Variants in DELE1 observed in about 807,000 individuals in gnomAD.
The protein encoded by DELE1 is DAP3 binding cell death enhancer 1.
A neutral mutation model predicts 59.3 loss-of-function variants in DELE1; 54 were observed. The observed-to-expected ratio is 0.91, with a 90% CI of 0.73 to 1.14. The LOEUF (loss-of-function observed/expected upper bound fraction) is 1.14. Ranked by LOEUF, DELE1 falls within the 50% of genes most tolerant of loss-of-function variation. DELE1 has a pLI of 0.00. For missense variants in DELE1, 636 were observed against 643.9 expected, an observed-to-expected ratio of 0.99 and a Z score of 0.13; for synonymous variants, 264 against 259.1, an observed-to-expected ratio of 1.02 and a Z score of -0.18.
Position 141,933,321 on chromosome 5 carries a change from G to A in DELE1, c.817G>A (p.Ala273Thr). Reference protein sequence around the residue: ...AAFSYFQKAAARGYSKAQYNA... With the variant: ...AAFSYFQKAATRGYSKAQYNA... ...CTTTTCTTACTTCCAGAAAGCTGCA[G>A]CCCGCGGCTACAGCAAAGCGCAGTA... Residue 273 changes from alanine to threonine, a missense_variant, in exon 8 of 12, where the codon GCC becomes ACC. Coordinates refer to ENST00000432126, the MANE Select transcript of DELE1 (RefSeq NM_014773.5). 1 of 1,570,504 alleles carries A rather than the reference G, an allele frequency of 6.4e-7. No homozygotes were observed. Among genetic ancestry groups the A allele is most frequent in the Non-Finnish European group, 8.7e-7 (1 of 1,148,880 alleles).
chr5:141,939,868 C>A lies in DELE1; in HGVS notation c.*1109C>A. The stretch of plus-strand genomic sequence containing the variant: ...TCACCACAGAGAGGACCTTTGTGCT[C>A]ACTTTGGCCCAGGAGGCAGTGATGC... On this transcript the variant is annotated 3_prime_UTR_variant, in exon 12 of 12. Transcript: ENST00000432126. 1.7e-6 allele frequency: 1 copy of A among 575,424 alleles called. No homozygotes were observed. 35.6% of individuals were successfully genotyped at this position (575,424 alleles called of 1,614,324 possible).
Position 141,930,292 on chromosome 5 carries a change from G to T in DELE1, c.754+18G>T, listed in dbSNP as rs1446301513. 1.3e-6 allele frequency: 2 copies of T among 1,574,624 alleles called. No homozygotes were observed. The highest frequency in any genetic ancestry group is 1.7e-6 in the Non-Finnish European group (2 of 1,144,282). On this transcript the variant is annotated intron_variant, in intron 7 of 11. Coordinates refer to ENST00000432126, the MANE Select transcript of DELE1 (RefSeq NM_014773.5). ...CTTCCTGGGTAACCAAATGGACCCT[G>T]CCCCAAGGCAGGAGGGTGGGAAAAT...
In DELE1 at chr5:141,938,843, C is replaced by G. The variant is rs1752572597; in HGVS notation, c.*84C>G. 1 of 1,504,574 alleles carries G rather than the reference C, an allele frequency of 6.6e-7. No individual in the cohort carries two copies. 93.2% of individuals were successfully genotyped at this position (1,504,574 alleles called of 1,614,324 possible). On this transcript the variant is annotated 3_prime_UTR_variant, in exon 12 of 12. Coordinates refer to ENST00000432126, the MANE Select transcript of DELE1 (RefSeq NM_014773.5). ...ATAACAAAAATAGAGCATCAGCAAC[C>G]CTTTCCAGGTAGAAATTCCAGCGGG... is the stretch of plus-strand genomic sequence containing the variant.
chr5:141,935,603 G>A (rs772510453), intron 10 of DELE1, among the ~76,000 whole-genome samples: 3 of 152,194 alleles, frequency 2.0e-5, no homozygotes, highest in Non-Finnish European at 4.4e-5. Context: ...CAGAGTATCT[G>A]TAGTAGCTGT....
intron 3 of DELE1, among the ~76,000 whole-genome samples, chr5:141,927,866 G>A (rs59174014): frequency 0.051 from 7,832 of 152,268 alleles, 690 homozygotes; most frequent in African/African-American, 0.18. Context: ...GCACTGTGCT[G>A]TACTTGGGCA....
intron 10 of DELE1, among the ~76,000 whole-genome samples, chr5:141,936,435 G>C (rs181142868): frequency 5.1e-4 from 77 of 152,194 alleles, no homozygotes; most frequent in African/African-American, 1.8e-3. Flanking sequence ...TTTTTGTTTT[G>C]TTTTGTTTTG....
intron 5 of DELE1, 102 bp from the exon 6 acceptor site, chr5:141,929,887 G>C: frequency 6.6e-7 from 1 of 1,509,890 alleles, no homozygotes. Flanking sequence ...TCGGTTCCTG[G>C]CAAGGGTGCT....
chr5:141,940,773 AGCACTGAGTGCAAG>A lies in DELE1; in HGVS notation c.*2017_*2030del, dbSNP rs1752692554. ...CTTGTCTTTGTATTCCAGTGTCCCC[AGCACTGAGTGCAAG>A]GCCCCATGCAGGGTAGGAAACCTGA... is the stretch of plus-strand genomic sequence containing the variant. On this transcript the variant is annotated 3_prime_UTR_variant, in exon 12 of 12. Coordinates refer to ENST00000432126, the MANE Select transcript of DELE1 (RefSeq NM_014773.5). 1.0e-6 allele frequency: 1 copy of A among 981,254 alleles called. No homozygotes were observed. The highest frequency in any genetic ancestry group is 1.1e-4 in the East Asian group (1 of 8,792). The allele number at this position is 981,254 out of a possible 1,614,324, so 60.8% of individuals were successfully genotyped here.
chr5:141,942,041 T>C lies in DELE1; in HGVS notation c.*3282T>C, dbSNP rs1752774842. The C allele has an allele frequency of 2.0e-6, 2 of 985,458 alleles. No homozygotes were observed. Among genetic ancestry groups the C allele is most frequent in the Non-Finnish European group, 2.4e-6 (2 of 829,948 alleles). The allele number at this position is 985,458 out of a possible 1,614,324, so 61.0% of individuals were successfully genotyped here. A position where few individuals can be genotyped will look rare whatever the true frequency, so the allele number is the denominator to read the frequency against. On this transcript the variant is annotated 3_prime_UTR_variant, in exon 12 of 12. Coordinates refer to ENST00000432126, the MANE Select transcript of DELE1 (RefSeq NM_014773.5). ...AATTATTCAATAAACACAAAATGTT[T>C]GTTGCATGAGTGTTTCTGATCATGT...
At chr5:141,929,150 T>G (rs1386346290) in intron 4 of DELE1, among the ~76,000 whole-genome samples, 1 of 152,128 alleles carries the variant, frequency 6.6e-6, no homozygotes, top group Non-Finnish European at 1.5e-5. Context: ...GTGAAGGAAG[T>G]GTCACAGGAG....
rs1005846146 is a variant in DELE1 at position 141,939,924 on chromosome 5, G to C, written c.*1165G>C. On this transcript the variant is annotated 3_prime_UTR_variant, in exon 12 of 12. Coordinates refer to ENST00000432126, the MANE Select transcript of DELE1 (RefSeq NM_014773.5). ...GTTGCATGACTTTATGAGTCGCTGGGCCAGGGTGAGGACCTGGGCCTCCTG... is the reference window on the plus strand; with the variant it reads ...GTTGCATGACTTTATGAGTCGCTGGCCCAGGGTGAGGACCTGGGCCTCCTG... 3 of 819,784 alleles carry C rather than the reference G, an allele frequency of 3.7e-6. No individual in the cohort carries two copies. The highest frequency in any genetic ancestry group is 4.4e-6 in the Non-Finnish European group (3 of 679,202). 50.8% of individuals were successfully genotyped at this position (819,784 alleles called of 1,614,324 possible).
At chr5:141,935,223 C>T (rs1752261939) in intron 10 of DELE1, among the ~76,000 whole-genome samples, 1 of 152,096 alleles carries the variant, frequency 6.6e-6, no homozygotes, top group Admixed American at 6.5e-5. Context: ...TCAGACAATT[C>T]AGATGTGTTC....
Position 141,930,204 on chromosome 5 carries a change from C to A in DELE1, c.684C>A (p.Ser228=). Residue 228 remains serine (S), a synonymous_variant, in exon 7 of 12, where the codon TCC becomes TCA. Coordinates refer to ENST00000432126, the MANE Select transcript of DELE1 (RefSeq NM_014773.5). ...AACAAGATAAATCAAAAACTCTTTCCCTTGAGGAGGCTGTGACTTCCATTC... is the reference window on the plus strand; with the variant it reads ...AACAAGATAAATCAAAAACTCTTTCACTTGAGGAGGCTGTGACTTCCATTC... ...EKEQDKSKTL[S]LEEAVTSIQQ... is the part of the protein sequence containing the mutation. 6.2e-7 allele frequency: 1 copy of A among 1,613,844 alleles called. No homozygotes were observed. The highest frequency in any genetic ancestry group is 8.5e-7 in the Non-Finnish European group (1 of 1,179,762).
At chr5:141,929,910 T>C (rs1751760837) in intron 5 of DELE1, 79 bp from the exon 6 acceptor site, 2 of 1,532,806 alleles carry the variant, frequency 1.3e-6, no homozygotes, top group African/African-American at 2.7e-5. Context: ...CTGGAAAGCC[T>C]GGGTAGACTG....
chr5:141,930,369 C>A, intron 7 of DELE1, 95 bp downstream of exon 7: 2 of 878,844 alleles, frequency 2.3e-6, no homozygotes, highest in South Asian at 1.5e-5. Flanking sequence ...GTGGCTTAAA[C>A]GAGAGATTTT....
In DELE1 at chr5:141,938,589, A is replaced by G; in HGVS notation, c.1378A>G (p.Asn460Asp). The G allele has an allele frequency of 6.2e-7, 1 of 1,614,030 alleles. No individual in the cohort carries two copies. The highest frequency in any genetic ancestry group is 8.5e-7 in the Non-Finnish European group (1 of 1,179,990). ...CTCCAGCCCCTCCCTCTGCAGCTTG[A>G]ACACCCTGCTAGCAGGAACCTCACG... is the stretch of plus-strand genomic sequence containing the variant. ...SFSSPSLCSL[N>D]TLLAGTSRLP... is the part of the protein sequence containing the mutation. The change falls in exon 12 of 12, where the codon AAC becomes GAC. Residue 460 changes from asparagine (N) to aspartate (D), a missense_variant. Transcript: ENST00000432126.
At chr5:141,930,474 A>T (rs1751816813) in intron 7 of DELE1, among the ~76,000 whole-genome samples, 200 bp downstream of exon 7, 1 of 152,152 alleles carries the variant, frequency 6.6e-6, no homozygotes, top group Non-Finnish European at 1.5e-5. Flanking sequence ...TCCCATCTTG[A>T]GGCGCAGTTT....
rs1338284746 is a variant in DELE1, at chr5:141,940,294, A to G, written c.*1535A>G. The G allele has an allele frequency of 1.1e-5, 11 of 984,094 alleles. No individual in the cohort carries two copies. Among genetic ancestry groups the G allele is most frequent in the East Asian group, 1.1e-4 (1 of 8,792 alleles). The allele number at this position is 984,094 out of a possible 1,614,324, so 61.0% of individuals were successfully genotyped here. On this transcript the variant is annotated 3_prime_UTR_variant, in exon 12 of 12. Transcript: ENST00000432126. ...AGCTTCTCCAGGAGAGAGACTTAGG[A>G]AAAAAAAAGATTTCTGAGTCAGTGC...
chr5:141,940,827 G>C lies in DELE1; in HGVS notation c.*2068G>C. ...AGGAAACCTGAGGTTTCAAGCTCAG[G>C]GTTTTAAGCTGTGCAGTGCACTAAG... On this transcript the variant is annotated 3_prime_UTR_variant, in exon 12 of 12. Transcript: ENST00000432126. 7 of 985,380 alleles carry C rather than the reference G, an allele frequency of 7.1e-6. No individual in the cohort carries two copies. The highest frequency in any genetic ancestry group is 8.4e-6 in the Non-Finnish European group (7 of 829,918). 61.0% of individuals were successfully genotyped at this position (985,380 alleles called of 1,614,324 possible). A position where few individuals can be genotyped will look rare whatever the true frequency, so the allele number is the denominator to read the frequency against.
Sources: gnomAD v4.1 joint callset for allele counts (sites outside exome capture counted in the v4.1 genomes callset) on GRCh38, gnomAD v4.1.1 for gene constraint, MANE v1.5 for transcripts, NCBI Gene and HGNC (gene_info 2026-07-23, HGNC 2026-07-21) for gene names.